The following SNTG1 variants were observed in gnomAD, a reference collection of about 807,000 sequenced individuals.
The protein encoded by SNTG1 is syntrophin gamma 1.
SNTG1 carries 39 observed loss-of-function variants against 74.7 expected under a neutral mutation model. The observed-to-expected ratio is 0.52, with a 90% CI of 0.40 to 0.68. SNTG1 has a LOEUF of 0.68. Among genes scored for constraint, SNTG1 ranks in the 30% least tolerant of loss-of-function variants. The pLI, the probability that SNTG1 is intolerant of heterozygous loss-of-function variation, is 0.00. For synonymous variants in SNTG1, 254 were observed against 217.1 expected (o/e 1.17, Z -1.49); for missense variants, 685 against 609.5 (o/e 1.12, Z -1.30).
At chr8:50,695,541 C>T (rs1472494128) in intron 15 of SNTG1, among the ~76,000 whole-genome samples, 1 of 151,384 alleles carries the variant, frequency 6.6e-6, no homozygotes, top group Non-Finnish European at 1.5e-5. Flanking sequence ...TTCTTACATG[C>T]ATATATTGTG....
chr8:50,633,743 A>G (rs1301954886), intron 13 of SNTG1, among the ~76,000 whole-genome samples: 2 of 152,148 alleles, frequency 1.3e-5, no homozygotes, highest in African/African-American at 4.8e-5. Context: ...TGGCGCTGAA[A>G]CAGGTACCCA....
At chr8:50,753,271 T>C (rs57168219) in intron 18 of SNTG1, among the ~76,000 whole-genome samples, 2,435 of 152,120 alleles carry the variant, frequency 0.016, 53 homozygotes, top group African/African-American at 0.052. Flanking sequence ...ATCATTTACT[T>C]TGTGCCAACC....
intron 13 of SNTG1, among the ~76,000 whole-genome samples, chr8:50,654,742 T>C (rs902261604): frequency 1.3e-5 from 2 of 152,210 alleles, no homozygotes; most frequent in African/African-American, 4.8e-5. Context: ...CCTGACAGAA[T>C]TCCAGGATCA....
intron 3 of SNTG1, among the ~76,000 whole-genome samples, chr8:50,400,324 T>C (rs572130361): frequency 6.6e-6 from 1 of 152,192 alleles, no homozygotes; most frequent in African/African-American, 2.4e-5. Flanking sequence ...ATCTATGTTG[T>C]TGCAAGTTAA....
chr8:50,002,252 G>T (rs1046319653), intron 1 of SNTG1, among the ~76,000 whole-genome samples: 1 of 152,008 alleles, frequency 6.6e-6, no homozygotes, highest in Middle Eastern at 3.2e-3. Flanking sequence ...ACAGGACCTC[G>T]TGCTTTTGTT....
chr8:50,404,538 A>G (rs2092846011), intron 4 of SNTG1, among the ~76,000 whole-genome samples: 1 of 152,046 alleles, frequency 6.6e-6, no homozygotes, highest in African/African-American at 2.4e-5. Flanking sequence ...AATAAATACA[A>G]TGTAATGCTG....
chr8:50,790,617 T>G (rs1342469134), intron 18 of SNTG1, among the ~76,000 whole-genome samples: 1 of 151,830 alleles, frequency 6.6e-6, no homozygotes, highest in Non-Finnish European at 1.5e-5. Context: ...CCAAGGCTGA[T>G]CACTGAGGCA....
chr8:50,018,100 AATCTACAG>A (rs1335248447), intron 1 of SNTG1, among the ~76,000 whole-genome samples: 2 of 152,036 alleles, frequency 1.3e-5, no homozygotes, highest in Non-Finnish European at 2.9e-5. Flanking sequence ...ACCTTGCATT[AATCTACAG>A]ATCCTACATA....
intron 15 of SNTG1, among the ~76,000 whole-genome samples, chr8:50,680,704 C>T (rs2131386874): frequency 6.6e-6 from 1 of 152,224 alleles, no homozygotes; most frequent in African/African-American, 2.4e-5. Flanking sequence ...CCTAATCTGA[C>T]CAATGGTCCT....
rs140888701 is a variant in SNTG1 at position 50,568,227 on chromosome 8, T to TTGTTTGTTTGTGTGTG, written c.810+15051_810+15052insTTGTTTGTGTGTGTGT. Among the ~76,000 whole-genome samples, 5 of 146,392 alleles carry TTGTTTGTTTGTGTGTG rather than the reference T, an allele frequency of 3.4e-5. No individual in the cohort carries two copies. In the East Asian group the frequency reaches 8.1e-4, roughly 24 times the overall value. On this transcript the variant is annotated intron_variant, in intron 12 of 18. Transcript: ENST00000642720. Reference sequence around the variant, plus strand: ...CTGAATAGTATTCCATTGTCCATGTTTGTGTGTGTGTGTGTGTGTGTGTGT... The same window carrying TTGTTTGTTTGTGTGTG: ...CTGAATAGTATTCCATTGTCCATGTTTGTTTGTTTGTGTGTGTGTGTGTGTGTGTGTGTGTGTGTGT...
At chr8:50,229,055 G>T (rs912476029) in intron 2 of SNTG1, among the ~76,000 whole-genome samples, 4 of 151,516 alleles carry the variant, frequency 2.6e-5, no homozygotes, top group African/African-American at 9.7e-5. Context: ...GTGGTTTATT[G>T]TTATTTGATT....
At chr8:50,774,154 T>C (rs981259709) in intron 18 of SNTG1, among the ~76,000 whole-genome samples, 2 of 151,862 alleles carry the variant, frequency 1.3e-5, no homozygotes, top group Non-Finnish European at 2.9e-5. Flanking sequence ...TATACTGTCA[T>C]ATATATAAAG....
At chr8:49,989,493 C>T (rs1172259145) in intron 1 of SNTG1, among the ~76,000 whole-genome samples, 2 of 151,872 alleles carry the variant, frequency 1.3e-5, no homozygotes, top group African/African-American at 2.4e-5. Context: ...TTTTACTATA[C>T]CTTTCCCTTC....
chr8:50,723,916 A>C (rs555258598), intron 17 of SNTG1, among the ~76,000 whole-genome samples: 2 of 152,192 alleles, frequency 1.3e-5, no homozygotes, highest in Non-Finnish European at 2.9e-5. Context: ...ATAGCTATGA[A>C]ATGAGTAGGA....
chr8:50,196,243 G>A (rs541287869), intron 2 of SNTG1, among the ~76,000 whole-genome samples: 5 of 152,046 alleles, frequency 3.3e-5, no homozygotes, highest in Non-Finnish European at 5.9e-5. Context: ...TTGTCAGAAG[G>A]CCTGGACAGA....
chr8:50,165,947 A>G (rs902135136), intron 1 of SNTG1, among the ~76,000 whole-genome samples: 1 of 148,784 alleles, frequency 6.7e-6, no homozygotes, highest in African/African-American at 2.5e-5. Context: ...AACAGACCAG[A>G]GCCCTCAGAA....
intron 12 of SNTG1, among the ~76,000 whole-genome samples, chr8:50,587,187 CAT>C (rs1367587739): frequency 6.6e-6 from 1 of 151,312 alleles, no homozygotes; most frequent in South Asian, 2.1e-4. Flanking sequence ...TATACATACA[CAT>C]ATATGCATAC....
intron 3 of SNTG1, among the ~76,000 whole-genome samples, chr8:50,394,869 T>C (rs1464723855): frequency 6.9e-6 from 1 of 145,856 alleles, no homozygotes; most frequent in Non-Finnish European, 1.5e-5. Context: ...TTTTACTAAA[T>C]ATGTAACATT....
intron 16 of SNTG1, chr8:50,707,968 C>G: frequency 2.6e-6 from 1 of 377,826 alleles, no homozygotes; most frequent in East Asian, 3.8e-5. Flanking sequence ...TTTGGGAGGC[C>G]GAGGCGGGTG....
Sources: gnomAD v4.1 joint callset for allele counts (sites outside exome capture counted in the v4.1 genomes callset) on GRCh38, gnomAD v4.1.1 for gene constraint, MANE v1.5 for transcripts, NCBI Gene and HGNC (gene_info 2026-07-23, HGNC 2026-07-21) for gene names.